Variants in CPHXL observed in about 807,000 individuals in gnomAD.
CPHXL encodes cytoplasmic polyadenylated homeobox like.
In CPHXL at chr16:75,725,290, T is replaced by A. The variant is rs181489336; in HGVS notation, c.25+1128A>T. On this transcript the variant is annotated intron_variant, in intron 1 of 2. Transcript: ENST00000640559. ...TAAAGTATAATAATAAAAAAAACTT[T>A]CTTTTTTTCTTTATTTTTGAGACAG... Among the ~76,000 whole-genome samples the A allele has an allele frequency of 2.5e-3, 372 of 151,766 alleles. 2 individuals carry two copies. Among genetic ancestry groups the A allele is most frequent in the African/African-American group, 8.7e-3 (359 of 41,476 alleles).
At chr16:75,719,770 C>T (rs564863871) in intron 1 of CPHXL, among the ~76,000 whole-genome samples, 13 of 152,278 alleles carry the variant, frequency 8.5e-5, no homozygotes, top group South Asian at 4.1e-4. Context: ...TCTCCCAGCA[C>T]GCAGCTGGAG....
At chr16:75,721,808 C>T (rs916576079) in intron 1 of CPHXL, among the ~76,000 whole-genome samples, 3 of 152,208 alleles carry the variant, frequency 2.0e-5, no homozygotes, top group African/African-American at 7.2e-5. Flanking sequence ...ACATTCTTCT[C>T]AGCACCACAC....
chr16:75,721,924 C>G (rs1051498974), intron 1 of CPHXL, among the ~76,000 whole-genome samples: 103 of 152,304 alleles, frequency 6.8e-4, no homozygotes, highest in African/African-American at 2.3e-3. Context: ...ACAGTGCAAT[C>G]AAACTAGAAC....
intron 1 of CPHXL, among the ~76,000 whole-genome samples, chr16:75,724,198 C>G (rs972280537): frequency 6.6e-6 from 1 of 152,164 alleles, no homozygotes; most frequent in Admixed American, 6.5e-5. Flanking sequence ...CAATACCATT[C>G]AGGACATAGG....
At chr16:75,718,122 G>A (rs1373875632) in intron 2 of CPHXL, 143 bp downstream of exon 2, 3 of 387,620 alleles carry the variant, frequency 7.7e-6, no homozygotes, top group Non-Finnish European at 1.4e-5. Flanking sequence ...GGGGACTGAG[G>A]TGGGGGAATC....
intron 2 of CPHXL, among the ~76,000 whole-genome samples, chr16:75,715,886 C>T (rs1263824865): frequency 6.6e-5 from 10 of 151,776 alleles, no homozygotes; most frequent in African/African-American, 9.7e-5. Flanking sequence ...TTAGTAGAGA[C>T]GGGGTTTCGC....
intron 1 of CPHXL, among the ~76,000 whole-genome samples, chr16:75,724,959 GT>G (rs1207711720): frequency 2.0e-5 from 3 of 152,130 alleles, no homozygotes; most frequent in Non-Finnish European, 4.4e-5. Flanking sequence ...AAAATGATGA[GT>G]TCATGTCCTT....
At chr16:75,724,187 G>A (rs1279125020) in intron 1 of CPHXL, among the ~76,000 whole-genome samples, 1 of 152,226 alleles carries the variant, frequency 6.6e-6, no homozygotes, top group African/African-American at 2.4e-5. Flanking sequence ...GAAAACCTAG[G>A]CAATACCATT....
chr16:75,718,033 G>A (rs1423731819), intron 2 of CPHXL, among the ~76,000 whole-genome samples: 1 of 148,304 alleles, frequency 6.7e-6, no homozygotes, highest in Admixed American at 6.8e-5. Flanking sequence ...GACCAGCCTG[G>A]GCAACATGGT....
intron 2 of CPHXL, among the ~76,000 whole-genome samples, chr16:75,717,638 C>G (rs1265100967): frequency 6.6e-6 from 1 of 152,152 alleles, no homozygotes; most frequent in East Asian, 1.9e-4. Context: ...CTGCAACCTC[C>G]TCTCACATTT....
intron 1 of CPHXL, among the ~76,000 whole-genome samples, chr16:75,725,753 C>CTTTTTTTTTGTTTTT (rs1959549165): frequency 2.3e-5 from 1 of 43,294 alleles, no homozygotes; most frequent in Admixed American, 3.3e-4. Flanking sequence ...TGCCCGGCGT[C>CTTTTTTTTTGTTTTT]TTTTTTTTTT....
intron 1 of CPHXL, among the ~76,000 whole-genome samples, 187 bp downstream of exon 1, chr16:75,726,231 A>G (rs1480410871): frequency 1.3e-5 from 2 of 152,184 alleles, no homozygotes; most frequent in African/African-American, 4.8e-5. Flanking sequence ...CACGGCTGCC[A>G]TTTTACATTT....
At position 75,714,679 on chromosome 16, in the gene CPHXL, G is replaced by T; in HGVS notation, c.763C>A (p.Pro255Thr). ...TGAAAATATGGCACAGAAGATGGGGGAGGATGAAGGCATTCTGCAGAGTTG... is the reference window on the plus strand; with the variant it reads ...TGAAAATATGGCACAGAAGATGGGGTAGGATGAAGGCATTCTGCAGAGTTG... ...SYNSAECLHP[P>T]PSSVPYFHGE... is the part of the protein sequence containing the mutation. Residue 255 changes from proline to threonine, a missense_variant, in exon 3 of 3, where the codon CCC becomes ACC. Physicochemically the swap from Pro to Thr is conservative, Grantham distance 38. Transcript: ENST00000640559. The T allele has an allele frequency of 2.5e-6, 1 of 398,632 alleles. No homozygotes were observed. Among genetic ancestry groups the T allele is most frequent in the Non-Finnish European group, 4.4e-6 (1 of 226,066 alleles). 24.7% of individuals were successfully genotyped at this position (398,632 alleles called of 1,614,324 possible).
chr16:75,718,425 T>C lies in CPHXL; in HGVS notation c.59A>G (p.Glu20Gly). 1 of 398,652 alleles carries C rather than the reference T, an allele frequency of 2.5e-6. No individual in the cohort carries two copies. The allele number at this position is 398,652 out of a possible 1,614,324, so 24.7% of individuals were successfully genotyped here. Residue 20 changes from glutamate to glycine, a missense_variant, in exon 2 of 3, where the codon GAA becomes GGA. Transcript: ENST00000640559. ...FPAEEDHHNE[E>G]RQTKNKRKTK... Reference sequence around the variant, plus strand: ...TTTTCTTTTATTCTTTGTTTGTCTTTCTTCATTATGATGATCCTCTTCAGC... The same window carrying C: ...TTTTCTTTTATTCTTTGTTTGTCTTCCTTCATTATGATGATCCTCTTCAGC...
At chr16:75,722,430 A>G (rs1464053083) in intron 1 of CPHXL, among the ~76,000 whole-genome samples, 5 of 152,228 alleles carry the variant, frequency 3.3e-5, no homozygotes, top group South Asian at 2.1e-4. Context: ...GGATATCATC[A>G]CTGATCCCAC....
intron 1 of CPHXL, among the ~76,000 whole-genome samples, chr16:75,719,344 C>A (rs1428587849): frequency 1.3e-5 from 2 of 152,142 alleles, no homozygotes; most frequent in African/African-American, 4.8e-5. Context: ...CAGGGAATTC[C>A]CTTTCCTAGT....
At chr16:75,715,629 T>G (rs1292366395) in intron 2 of CPHXL, among the ~76,000 whole-genome samples, 1 of 152,166 alleles carries the variant, frequency 6.6e-6, no homozygotes, top group Non-Finnish European at 1.5e-5. Flanking sequence ...CCCTGCTACT[T>G]TACTCATACT....
At chr16:75,720,567 GAAAC>G (rs986637261) in intron 1 of CPHXL, among the ~76,000 whole-genome samples, 3 of 152,274 alleles carry the variant, frequency 2.0e-5, no homozygotes, top group African/African-American at 4.8e-5. Flanking sequence ...AGAATAAAAA[GAAAC>G]AAACAAAGCC....
Position 75,715,171 on chromosome 16 carries a change from T to A in CPHXL, c.271A>T (p.Ile91Leu). ...TCATGCTTTTTCTGAAGAACAAATATTCTGCGTCTTTCTGCAGGTGGAAGT... is the reference window on the plus strand; with the variant it reads ...TCATGCTTTTTCTGAAGAACAAATAATCTGCGTCTTTCTGCAGGTGGAAGT... ...ARLPPAERRR[I>L]FVLQKKHDFP... Residue 91 changes from isoleucine to leucine, a missense_variant, in exon 3 of 3, where the codon ATA (isoleucine) becomes TTA (leucine). By Grantham distance (5) the Ile-to-Leu change is conservative. Coordinates refer to ENST00000640559, the MANE Select transcript of CPHXL (RefSeq NM_001355613.1). 1 of 398,938 alleles carries A rather than the reference T, an allele frequency of 2.5e-6. No individual in the cohort carries two copies. Among genetic ancestry groups the A allele is most frequent in the Non-Finnish European group, 4.4e-6 (1 of 226,196 alleles). 24.7% of individuals were successfully genotyped at this position (398,938 alleles called of 1,614,324 possible).
Sources: allele counts gnomAD v4.1 joint callset (sites outside exome capture counted in the v4.1 genomes callset), GRCh38; gene constraint gnomAD v4.1.1; transcripts MANE v1.5; gene names NCBI Gene and HGNC (gene_info 2026-07-23, HGNC 2026-07-21).